Variants in PBX4 observed in about 807,000 individuals in gnomAD.
The protein encoded by PBX4 is PBX homeobox 4.
PBX4 carries 26 observed loss-of-function variants against 35.1 expected under a neutral mutation model. The ratio of observed to expected loss-of-function variants is 0.74; its 90% CI spans 0.54 to 1.03. PBX4 has a LOEUF of 1.03. PBX4 is among the 50% of genes least tolerant of loss of function. The pLI is 0.00. For missense variants in PBX4, 448 were observed against 504.3 expected (o/e 0.89, Z 1.07); for synonymous variants, 199 against 204.2 (o/e 0.97, Z 0.22).
chr19:19,587,433 C>T (rs186631603), intron 2 of PBX4, among the ~76,000 whole-genome samples: 9 of 150,828 alleles, frequency 6.0e-5, no homozygotes, highest in African/African-American at 2.2e-4. Flanking sequence ...ACTAAAAATA[C>T]AAAAATTAGC....
chr19:19,575,097 CGT>C (rs2061411073), intron 2 of PBX4, among the ~76,000 whole-genome samples: 1 of 151,896 alleles, frequency 6.6e-6, no homozygotes, highest in African/African-American at 2.4e-5. Flanking sequence ...ATTAGCCAGG[CGT>C]GGTGGCGGGT....
intron 2 of PBX4, among the ~76,000 whole-genome samples, chr19:19,590,475 T>G (rs1172824946): frequency 6.6e-6 from 1 of 151,458 alleles, no homozygotes; most frequent in African/African-American, 2.4e-5. Context: ...TCTTTCTTTT[T>G]TTTTTTTTTT....
At chr19:19,611,560 T>C (rs994708101) in intron 1 of PBX4, among the ~76,000 whole-genome samples, 1 of 150,670 alleles carries the variant, frequency 6.6e-6, no homozygotes, top group Admixed American at 6.7e-5. Context: ...GTGCCTGTAA[T>C]CCCAGCTACT....
chr19:19,590,672 T>C (rs140968036), intron 2 of PBX4, among the ~76,000 whole-genome samples: 2,259 of 152,224 alleles, frequency 0.015, 80 homozygotes, highest in South Asian at 0.076. Context: ...TTTCACCATG[T>C]TGGCCAGGCT....
intron 1 of PBX4, among the ~76,000 whole-genome samples, chr19:19,612,372 G>A (rs989859547): frequency 1.3e-5 from 2 of 152,070 alleles, no homozygotes; most frequent in Non-Finnish European, 2.9e-5. Flanking sequence ...CATGTTCAGA[G>A]GGCCTCACGA....
Position 19,595,256 on chromosome 19 carries a change from A to G in PBX4, c.193+4036T>C, listed in dbSNP as rs577990726. 5.3e-5 allele frequency among the ~76,000 whole-genome samples: 8 copies of G among 152,222 alleles called. No individual in the cohort carries two copies. The South Asian group carries it at 8.3e-4, about 16-fold the overall frequency. On this transcript the variant is annotated intron_variant, in intron 2 of 7. Transcript: ENST00000251203. ...GAAAAGTGAAAGGGACCAACATTAC[A>G]CAATTCCACAATACTAAGAAACACG...
At chr19:19,603,225 T>C (rs928594119) in intron 1 of PBX4, among the ~76,000 whole-genome samples, 3 of 152,192 alleles carry the variant, frequency 2.0e-5, no homozygotes, top group Non-Finnish European at 4.4e-5. Flanking sequence ...GTTGTCTCCA[T>C]GTGTGTCATC....
At chr19:19,596,911 CAAA>C (rs57080281) in intron 2 of PBX4, among the ~76,000 whole-genome samples, 4 of 96,810 alleles carry the variant, frequency 4.1e-5, no homozygotes, top group Non-Finnish European at 6.2e-5. Context: ...ACCCTGTCTC[CAAA>C]AAAAAAAAAA....
chr19:19,571,446 G>A (rs1206352788), intron 2 of PBX4, among the ~76,000 whole-genome samples: 2 of 152,192 alleles, frequency 1.3e-5, no homozygotes, highest in Non-Finnish European at 2.9e-5. Context: ...CTACAATTTG[G>A]AAATGCCGTC....
intron 2 of PBX4, among the ~76,000 whole-genome samples, chr19:19,588,737 C>T (rs1019860080): frequency 4.6e-5 from 7 of 152,132 alleles, no homozygotes; most frequent in African/African-American, 1.7e-4. Context: ...GCAACATGCA[C>T]ACTAACCATG....
At chr19:19,583,483 C>T (rs1315090270) in intron 2 of PBX4, among the ~76,000 whole-genome samples, 5 of 151,710 alleles carry the variant, frequency 3.3e-5, no homozygotes, top group African/African-American at 1.2e-4. Context: ...TTTGGTGGCA[C>T]ACACCTGTAA....
At chr19:19,609,463 C>A (rs1355608336) in intron 1 of PBX4, among the ~76,000 whole-genome samples, 4 of 140,544 alleles carry the variant, frequency 2.8e-5, no homozygotes, top group Non-Finnish European at 6.1e-5. Flanking sequence ...GCAGGAGAAT[C>A]GCTTGAACCC....
intron 2 of PBX4, chr19:19,588,178 C>G (rs1257332527): frequency 6.9e-6 from 9 of 1,297,062 alleles, no homozygotes; most frequent in Non-Finnish European, 8.9e-6. Context: ...CATCCCTATT[C>G]TTCTCCTGGA....
rs1248561434 is a variant in PBX4, at chr19:19,610,643, T to A, written c.119+7868A>T. On this transcript the variant is annotated intron_variant, in intron 1 of 7. Coordinates refer to ENST00000251203, the MANE Select transcript of PBX4 (RefSeq NM_025245.3). ...GCTGGCGCATGCATGTAATCCTAGC[T>A]AATCAGGAGGCTGAGGCATGAGAAT... Among the ~76,000 whole-genome samples, 3 of 151,684 alleles carry A rather than the reference T, an allele frequency of 2.0e-5. No individual in the cohort carries two copies. The East Asian group carries it at 5.8e-4, about 29-fold the overall frequency.
rs149764805 is a variant in PBX4 at position 19,601,776 on chromosome 19, C to T, written c.120-2411G>A. 3.9e-5 allele frequency among the ~76,000 whole-genome samples: 6 copies of T among 152,256 alleles called. No homozygotes were observed. The East Asian group carries it at 1.2e-3, about 29-fold the overall frequency. ...GGTGGCCTCAACAGGCTGGAAAAGG[C>T]AAGGAACCAGCCCATGGGCTCACTG... On this transcript the variant is annotated intron_variant, in intron 1 of 7. Transcript: ENST00000251203.
At chr19:19,583,660 G>A (rs1600417564) in intron 2 of PBX4, among the ~76,000 whole-genome samples, 1 of 151,800 alleles carries the variant, frequency 6.6e-6, no homozygotes, top group East Asian at 1.9e-4. Context: ...AAACCCTTGG[G>A]CAAACCTGGT....
chr19:19,587,691 C>A (rs912940140), intron 2 of PBX4, among the ~76,000 whole-genome samples: 2 of 150,712 alleles, frequency 1.3e-5, no homozygotes, highest in Admixed American at 6.7e-5. Context: ...TGCCACAGAG[C>A]TGCTGCAAGA....
chr19:19,571,137 G>A (rs895640972), intron 2 of PBX4, among the ~76,000 whole-genome samples: 13 of 152,198 alleles, frequency 8.5e-5, no homozygotes, highest in African/African-American at 2.7e-4. Context: ...CCAGGCAGGC[G>A]CCTGTTGCTG....
At chr19:19,611,101 A>C (rs1227147455) in intron 1 of PBX4, among the ~76,000 whole-genome samples, 1 of 152,168 alleles carries the variant, frequency 6.6e-6, no homozygotes, top group Non-Finnish European at 1.5e-5. Context: ...CTATGTATGA[A>C]TATAAGGTCA....
Sources: gnomAD v4.1 joint callset for allele counts (sites outside exome capture counted in the v4.1 genomes callset) on GRCh38, gnomAD v4.1.1 for gene constraint, MANE v1.5 for transcripts, NCBI Gene and HGNC (gene_info 2026-07-23, HGNC 2026-07-21) for gene names.